METTL15: variants seen among roughly 807,000 people sequenced by gnomAD.
METTL15 encodes the protein methyltransferase 15, mitochondrial 12S rRNA N4-cytidine, also known as 12S rRNA N(4)-cytidine methyltransferase METTL15.
METTL15 carries 34 observed loss-of-function variants against 38.3 expected under a neutral mutation model. The observed-to-expected ratio is 0.89, with a 90% CI of 0.68 to 1.18. METTL15 has a LOEUF of 1.18. Among genes scored for constraint, METTL15 ranks in the 50% most tolerant of loss-of-function variants. The pLI is 0.00. For missense variants in METTL15, 438 were observed against 498.4 expected (o/e 0.88, Z 1.15); for synonymous variants, 162 against 170.9 (o/e 0.95, Z 0.41).
rs776479064 is a variant in METTL15 at position 28,310,207 on chromosome 11, T to C, written c.778+13276T>C. 5.9e-4 allele frequency among the ~76,000 whole-genome samples: 90 copies of C among 152,140 alleles called. 1 individual carries two copies. Among genetic ancestry groups the C allele is most frequent in the Non-Finnish European group, 1.1e-3 (78 of 68,018 alleles). Reference sequence around the variant, plus strand: ...CTATAAGTAGATGGTACTGGAAATATAGATTTGGGGACAGAATTGCCTCAT... The same window carrying C: ...CTATAAGTAGATGGTACTGGAAATACAGATTTGGGGACAGAATTGCCTCAT... On this transcript the variant is annotated intron_variant, in intron 6 of 6. Coordinates refer to ENST00000407364, the MANE Select transcript of METTL15 (RefSeq NM_001113528.2).
chr11:28,235,855 T>C (rs980764366), intron 4 of METTL15, among the ~76,000 whole-genome samples: 18 of 151,898 alleles, frequency 1.2e-4, no homozygotes, highest in South Asian at 2.1e-4. Context: ...TGAATAGGAG[T>C]GGTGAGAGAG....
At chr11:28,113,883 C>T (rs912938706) in intron 3 of METTL15, among the ~76,000 whole-genome samples, 5 of 152,034 alleles carry the variant, frequency 3.3e-5, no homozygotes, top group Non-Finnish European at 5.9e-5. Flanking sequence ...CTGATTTTGC[C>T]TAACTGTAGG....
chr11:28,264,101 T>C (rs1855317178), intron 4 of METTL15, among the ~76,000 whole-genome samples: 1 of 152,124 alleles, frequency 6.6e-6, no homozygotes, highest in Admixed American at 6.5e-5. Context: ...TTGTTGATTC[T>C]CTGCCACCAT....
intron 2 of METTL15, among the ~76,000 whole-genome samples, chr11:28,111,888 C>T (rs1851733235): frequency 6.6e-6 from 1 of 152,128 alleles, no homozygotes; most frequent in Non-Finnish European, 1.5e-5. Context: ...TTCCAGAAAC[C>T]TTAGGCATAA....
chr11:28,352,214 T>C (rs1352975609), intron 4 of METTL15: 3 of 152,174 alleles, frequency 2.0e-5, no homozygotes, highest in Non-Finnish European at 2.9e-5. Context: ...TAGGTAAAAA[T>C]GAGAAACCTA....
At chr11:28,478,664 C>G (rs533861749) in intron 6 of METTL15, among the ~76,000 whole-genome samples, 1 of 152,224 alleles carries the variant, frequency 6.6e-6, no homozygotes, top group African/African-American at 2.4e-5. Context: ...CCTGGATGCT[C>G]AGGGTAACCA....
intron 4 of METTL15, among the ~76,000 whole-genome samples, chr11:28,356,408 T>C (rs1354466215): frequency 6.6e-6 from 1 of 152,180 alleles, no homozygotes; most frequent in African/African-American, 2.4e-5. Context: ...CTTCTCTGTA[T>C]ACAAGTATAT....
At chr11:28,346,173 A>G (rs1849993967) in intron 3 of METTL15, among the ~76,000 whole-genome samples, 1 of 152,136 alleles carries the variant, frequency 6.6e-6, no homozygotes, top group South Asian at 2.1e-4. Context: ...TTTAAGCACC[A>G]GTTTTTTACC....
At chr11:28,395,373 G>C (rs542882648) in intron 5 of METTL15, among the ~76,000 whole-genome samples, 1 of 152,214 alleles carries the variant, frequency 6.6e-6, no homozygotes, top group Admixed American at 6.6e-5. Flanking sequence ...TGGTAAATGA[G>C]TTCCTGTATA....
chr11:28,194,830 T>G (rs550270003), intron 3 of METTL15, among the ~76,000 whole-genome samples: 1 of 151,918 alleles, frequency 6.6e-6, no homozygotes, highest in South Asian at 2.1e-4. Flanking sequence ...AATAGGTTTT[T>G]TTTTTCAACC....
chr11:28,525,997 C>T (rs1211191364), intron 6 of METTL15, among the ~76,000 whole-genome samples: 13 of 152,186 alleles, frequency 8.5e-5, no homozygotes, highest in Admixed American at 7.2e-4. Context: ...GCTGGTGGGC[C>T]AGCACTGCTG....
intron 3 of METTL15, among the ~76,000 whole-genome samples, chr11:28,162,986 A>G (rs1161635215): frequency 6.6e-6 from 1 of 152,034 alleles, no homozygotes; most frequent in East Asian, 1.9e-4. Flanking sequence ...CATGGTGTAG[A>G]TTGTTTTAAG....
chr11:28,318,983 C>A (rs752493325), intron 6 of METTL15, among the ~76,000 whole-genome samples: 30 of 152,214 alleles, frequency 2.0e-4, no homozygotes, highest in African/African-American at 6.3e-4. Context: ...TTCAATAGAA[C>A]AAAAAGGACA....
At chr11:28,323,815 TA>T (rs1294720716) in intron 6 of METTL15, among the ~76,000 whole-genome samples, 1 of 152,162 alleles carries the variant, frequency 6.6e-6, no homozygotes, top group Non-Finnish European at 1.5e-5. Flanking sequence ...TCAAGAGTCT[TA>T]AAATACACCA....
intron 6 of METTL15, among the ~76,000 whole-genome samples, chr11:28,430,330 G>A (rs1420223279): frequency 1.0e-5 from 1 of 99,152 alleles, no homozygotes; most frequent in Non-Finnish European, 2.3e-5. Flanking sequence ...GAGGTGAGGG[G>A]GTCAGCCCCC....
intron 5 of METTL15, among the ~76,000 whole-genome samples, chr11:28,384,453 C>T (rs1850420258): frequency 1.3e-5 from 2 of 151,996 alleles, no homozygotes; most frequent in South Asian, 2.1e-4. Context: ...GGATTACAGA[C>T]ATGCGTCATC....
At chr11:28,299,068 A>G (rs1400367333) in intron 6 of METTL15, among the ~76,000 whole-genome samples, 2 of 152,090 alleles carry the variant, frequency 1.3e-5, no homozygotes. Flanking sequence ...TTTCCTATTT[A>G]TTGTGATCAA....
chr11:28,491,094 G>A (rs1851490686), intron 6 of METTL15, among the ~76,000 whole-genome samples: 1 of 152,056 alleles, frequency 6.6e-6, no homozygotes, highest in Non-Finnish European at 1.5e-5. Context: ...TAATATATAG[G>A]ACTGGCCCTG....
At chr11:28,266,250 A>G (rs1469471070) in intron 4 of METTL15, among the ~76,000 whole-genome samples, 5 of 152,212 alleles carry the variant, frequency 3.3e-5, no homozygotes, top group East Asian at 1.9e-4. Context: ...CTATAAAGAC[A>G]CATGCACATG....
Sources: gnomAD v4.1 joint callset for allele counts (sites outside exome capture counted in the v4.1 genomes callset) on GRCh38, gnomAD v4.1.1 for gene constraint, MANE v1.5 for transcripts, NCBI Gene and HGNC (gene_info 2026-07-23, HGNC 2026-07-21) for gene names.